The following SCIMP variants were observed in gnomAD, a reference collection of about 807,000 sequenced individuals.
SCIMP encodes SLP adapter and CSK-interacting membrane protein.
SCIMP carries 18 observed loss-of-function variants against 22.0 expected under a neutral mutation model. The ratio of observed to expected loss-of-function variants is 0.82; its 90% CI spans 0.56 to 1.21. SCIMP has a LOEUF of 1.21. SCIMP is among the 50% of genes most tolerant of loss of function. The pLI is 0.00. For synonymous variants in SCIMP, 53 were observed against 62.2 expected (o/e 0.85, Z 0.70); for missense variants, 155 against 171.2 (o/e 0.91, Z 0.53).
intron 1 of SCIMP, chr17:5,234,092 G>C (rs1190997086): frequency 6.5e-6 from 1 of 152,742 alleles, no homozygotes; most frequent in East Asian, 1.9e-4. Flanking sequence ...CCAACATGGT[G>C]AAACTCCGTC....
intron 1 of SCIMP, among the ~76,000 whole-genome samples, chr17:5,232,775 A>G (rs2074712860): frequency 6.6e-6 from 1 of 151,462 alleles, no homozygotes; most frequent in Non-Finnish European, 1.5e-5. Context: ...CACTGGTGCA[A>G]TCTCAGCTCA....
intron 3 of SCIMP, among the ~76,000 whole-genome samples, chr17:5,217,480 TA>T (rs139620528): frequency 0.029 from 4,351 of 151,976 alleles, 210 homozygotes; most frequent in African/African-American, 0.1. Flanking sequence ...GTTACATGTG[TA>T]TACGTGTGCC....
intron 4 of SCIMP, among the ~76,000 whole-genome samples, chr17:5,211,337 C>T (rs1254670998): frequency 6.6e-6 from 1 of 152,064 alleles, no homozygotes; most frequent in East Asian, 1.9e-4. Context: ...GCTTGGGCAA[C>T]ACAGGGAGAC....
chr17:5,229,064 C>G (rs1319262202), intron 1 of SCIMP, among the ~76,000 whole-genome samples: 1 of 152,210 alleles, frequency 6.6e-6, no homozygotes, highest in African/African-American at 2.4e-5. Context: ...CTACTGGGGC[C>G]AAGAGGCTGG....
intron 1 of SCIMP, among the ~76,000 whole-genome samples, chr17:5,232,104 G>T (rs1222639340): frequency 6.6e-6 from 1 of 152,056 alleles, no homozygotes; most frequent in Non-Finnish European, 1.5e-5. Flanking sequence ...CTTACTGTGC[G>T]ATGAGCAGAA....
intron 3 of SCIMP, among the ~76,000 whole-genome samples, chr17:5,220,403 G>A (rs545233749): frequency 1.4e-5 from 2 of 141,910 alleles, no homozygotes; most frequent in Non-Finnish European, 3.0e-5. Context: ...TTTTAGAGCT[G>A]CCTGGGCAAC....
intron 3 of SCIMP, among the ~76,000 whole-genome samples, chr17:5,219,716 A>G (rs1222547067): frequency 6.6e-6 from 1 of 152,174 alleles, no homozygotes; most frequent in South Asian, 2.1e-4. Context: ...TTTATGGTGA[A>G]TGCCTGTTTT....
At chr17:5,226,918 C>T (rs987241728) in intron 1 of SCIMP, among the ~76,000 whole-genome samples, 1 of 151,974 alleles carries the variant, frequency 6.6e-6, no homozygotes, top group African/African-American at 2.4e-5. Context: ...CTCTAGGCCA[C>T]CAGGCTGGTT....
At chr17:5,217,507 A>G (rs2074574327) in intron 3 of SCIMP, among the ~76,000 whole-genome samples, 1 of 150,668 alleles carries the variant, frequency 6.6e-6, no homozygotes, top group Admixed American at 6.6e-5. Context: ...GATGTGCTGC[A>G]CCCATTAACT....
At chr17:5,232,383 C>CAGTGCAGTGTAAAT (rs1400080898) in intron 1 of SCIMP, among the ~76,000 whole-genome samples, 1 of 152,044 alleles carries the variant, frequency 6.6e-6, no homozygotes, top group Non-Finnish European at 1.5e-5. Flanking sequence ...GCAGTATAAA[C>CAGTGCAGTGTAAAT]AGTGCAGTAT....
chr17:5,232,545 A>C (rs1169086188), intron 1 of SCIMP, among the ~76,000 whole-genome samples: 2 of 150,382 alleles, frequency 1.3e-5, no homozygotes, highest in Non-Finnish European at 2.9e-5. Flanking sequence ...GGACTTCGGC[A>C]GGCCTGGAAT....
chr17:5,223,168 C>T (rs1044462046), intron 2 of SCIMP, 165 bp downstream of exon 2: 15 of 684,892 alleles, frequency 2.2e-5, no homozygotes, highest in Non-Finnish European at 3.3e-5. Flanking sequence ...GGCCTAGAGA[C>T]ATAATGTAGT....
chr17:5,210,986 A>G, intron 4 of SCIMP, 31 bp from the exon 5 acceptor site: 1 of 1,582,816 alleles, frequency 6.3e-7, no homozygotes, highest in Non-Finnish European at 8.5e-7. Flanking sequence ...CTTAGATGCA[A>G]AGCTGTCATG....
intron 1 of SCIMP, among the ~76,000 whole-genome samples, chr17:5,230,656 C>A (rs997597692): frequency 1.3e-5 from 2 of 152,206 alleles, no homozygotes; most frequent in African/African-American, 4.8e-5. Context: ...GGCAGTGGCT[C>A]ACACTTGTAA....
intron 2 of SCIMP, among the ~76,000 whole-genome samples, chr17:5,222,347 T>G (rs912137244): frequency 6.6e-6 from 1 of 152,046 alleles, no homozygotes; most frequent in Non-Finnish European, 1.5e-5. Context: ...CACCTCAGCC[T>G]CCCAAAGTGC....
chr17:5,234,831 C>T lies in SCIMP; in HGVS notation c.-76G>A. The T allele has an allele frequency of 1.9e-6, 3 of 1,564,144 alleles. No homozygotes were observed. The highest frequency in any genetic ancestry group is 2.6e-6 in the Non-Finnish European group (3 of 1,154,160). On this transcript the variant is annotated 5_prime_UTR_variant, in exon 1 of 5. Coordinates refer to ENST00000574081, the MANE Select transcript of SCIMP (RefSeq NM_207103.3). ...CAGCTGGTGAGAGGCATTCCTCACT[C>T]ACAGGCCTTCACCCACTGCTAGAGA...
intron 1 of SCIMP, among the ~76,000 whole-genome samples, chr17:5,227,323 A>ACACACC (rs776010245): frequency 2.0e-5 from 3 of 148,556 alleles, no homozygotes; most frequent in African/African-American, 7.4e-5. Context: ...ACACACACAC[A>ACACACC]CTCTTACACT....
Position 5,226,170 on chromosome 17 carries a change from G to A in SCIMP, c.22-2714C>T, listed in dbSNP as rs1352129684. ...TGTTGTATCTGGATTGTGACTGCGTGGAAGGTCGAGGCGGGAAGACAGGGG... is the reference window on the plus strand; with the variant it reads ...TGTTGTATCTGGATTGTGACTGCGTAGAAGGTCGAGGCGGGAAGACAGGGG... On this transcript the variant is annotated intron_variant, in intron 1 of 4. Coordinates refer to ENST00000574081, the MANE Select transcript of SCIMP (RefSeq NM_207103.3). 2.6e-5 allele frequency among the ~76,000 whole-genome samples: 4 copies of A among 152,276 alleles called. No homozygotes were observed. The East Asian group carries it at 7.7e-4, about 29-fold the overall frequency.
At chr17:5,226,155 G>A (rs1404234975) in intron 1 of SCIMP, among the ~76,000 whole-genome samples, 1 of 152,166 alleles carries the variant, frequency 6.6e-6, no homozygotes, top group Non-Finnish European at 1.5e-5. Context: ...TGTTGTATCT[G>A]GATTGTGACT....
Sources: allele counts gnomAD v4.1 joint callset (sites outside exome capture counted in the v4.1 genomes callset), GRCh38; gene constraint gnomAD v4.1.1; transcripts MANE v1.5; gene names NCBI Gene and HGNC (gene_info 2026-07-23, HGNC 2026-07-21).